CEP112: variants seen among roughly 807,000 people sequenced by gnomAD.
CEP112 encodes the protein centrosomal protein 112.
CEP112 carries 127 observed loss-of-function variants against 153.0 expected under a neutral mutation model. That is an observed-to-expected ratio of 0.83 (90% CI 0.72 to 0.96). The LOEUF is 0.96. Among genes scored for constraint, CEP112 ranks in the 40% least tolerant of loss-of-function variants. The pLI is 0.00. For missense variants in CEP112, 1,089 were observed against 1,101.2 expected, an observed-to-expected ratio of 0.99 and a Z score of 0.16; for synonymous variants, 358 against 374.4, an observed-to-expected ratio of 0.96 and a Z score of 0.51.
intron 21 of CEP112, among the ~76,000 whole-genome samples, chr17:65,811,088 G>A (rs2055922176): frequency 6.6e-6 from 1 of 152,176 alleles, no homozygotes; most frequent in African/African-American, 2.4e-5. Context: ...CAGTGCTGAG[G>A]GCTCTTTGGC....
At chr17:65,902,484 G>T (rs1261596527) in intron 19 of CEP112, 150 bp from the exon 20 acceptor site, 2 of 535,634 alleles carry the variant, frequency 3.7e-6, no homozygotes, top group Non-Finnish European at 6.2e-6. Flanking sequence ...ACTCTCATTT[G>T]TTGGGGTGGT....
intron 24 of CEP112, among the ~76,000 whole-genome samples, chr17:65,687,160 ATTTT>A (rs35675811): frequency 0.036 from 3,225 of 90,174 alleles, 62 homozygotes; most frequent in South Asian, 0.17. Flanking sequence ...GTTATTATTA[ATTTT>A]TTTTTTTTTT....
intron 20 of CEP112, among the ~76,000 whole-genome samples, chr17:65,884,719 CT>C (rs1401066748): frequency 1.4e-4 from 12 of 86,654 alleles, no homozygotes; most frequent in East Asian, 2.8e-4. Flanking sequence ...TTTTTTTTTT[CT>C]TTTTTTTTTT....
At chr17:65,826,627 G>T in intron 21 of CEP112, 1 of 1,073,400 alleles carries the variant, frequency 9.3e-7, no homozygotes, top group Non-Finnish European at 1.2e-6. Flanking sequence ...GGCTAAAGAT[G>T]CCCTAGGACT....
intron 21 of CEP112, among the ~76,000 whole-genome samples, chr17:65,769,682 T>C (rs2053221207): frequency 6.6e-6 from 1 of 152,038 alleles, no homozygotes; most frequent in Admixed American, 6.6e-5. Context: ...GTTTCTTCGA[T>C]AAATAGTGCT....
intron 17 of CEP112, among the ~76,000 whole-genome samples, chr17:65,971,259 A>G (rs1043006183): frequency 7.9e-5 from 12 of 152,320 alleles, no homozygotes; most frequent in East Asian, 3.9e-4. Flanking sequence ...TCAAATGCGT[A>G]CTGCACACAT....
intron 21 of CEP112, among the ~76,000 whole-genome samples, chr17:65,849,584 G>A (rs1432304104): frequency 2.0e-5 from 3 of 152,132 alleles, no homozygotes; most frequent in Non-Finnish European, 2.9e-5. Context: ...GAGGCATTTG[G>A]AATGTGAATA....
chr17:65,854,313 T>C (rs138374410), intron 20 of CEP112, among the ~76,000 whole-genome samples: 4,044 of 152,310 alleles, frequency 0.027, 93 homozygotes, highest in South Asian at 0.058. Context: ...ATATAAATAT[T>C]ATATTCATCC....
intron 17 of CEP112, among the ~76,000 whole-genome samples, chr17:65,981,151 C>A (rs1294004068): frequency 6.6e-6 from 1 of 152,078 alleles, no homozygotes; most frequent in Non-Finnish European, 1.5e-5. Flanking sequence ...CCCTTGCACT[C>A]TCCATCTCTA....
At chr17:65,892,107 T>C (rs1389188329) in intron 20 of CEP112, among the ~76,000 whole-genome samples, 1 of 152,204 alleles carries the variant, frequency 6.6e-6, no homozygotes, top group Non-Finnish European at 1.5e-5. Flanking sequence ...GGAATACCCT[T>C]ACGGCCATAT....
At chr17:65,992,686 C>T (rs2063637356) in intron 17 of CEP112, among the ~76,000 whole-genome samples, 1 of 152,136 alleles carries the variant, frequency 6.6e-6, no homozygotes, top group African/African-American at 2.4e-5. Flanking sequence ...ATTTTTTCTC[C>T]ATTTTAAATA....
intron 21 of CEP112, among the ~76,000 whole-genome samples, chr17:65,842,547 T>C (rs1311729760): frequency 6.6e-6 from 1 of 152,202 alleles, no homozygotes; most frequent in East Asian, 1.9e-4. Context: ...TTGAGCTTTG[T>C]AGTCCCTCTC....
intron 16 of CEP112, among the ~76,000 whole-genome samples, chr17:66,017,937 C>G (rs1169207959): frequency 2.0e-5 from 3 of 151,310 alleles, no homozygotes; most frequent in Admixed American, 2.0e-4. Context: ...GAGGCAGAGA[C>G]TGCAGTGAGC....
intron 24 of CEP112, among the ~76,000 whole-genome samples, chr17:65,673,650 A>G (rs2047089328): frequency 6.6e-6 from 1 of 152,246 alleles, no homozygotes; most frequent in South Asian, 2.1e-4. Context: ...GTATGAAACG[A>G]AACTCTCAAA....
chr17:66,171,837 C>T (rs1332151036), intron 4 of CEP112, among the ~76,000 whole-genome samples: 6 of 152,050 alleles, frequency 3.9e-5, no homozygotes, highest in Admixed American at 1.3e-4. Flanking sequence ...GTTTTGGCAG[C>T]CCTAATTGAC....
At chr17:66,122,575 A>T (rs1377277764) in intron 6 of CEP112, among the ~76,000 whole-genome samples, 1 of 152,142 alleles carries the variant, frequency 6.6e-6, no homozygotes, top group Non-Finnish European at 1.5e-5. Context: ...GCATACAGTC[A>T]CCTGTGATGA....
chr17:65,640,293 A>G (rs1327169876), intron 25 of CEP112, among the ~76,000 whole-genome samples: 2 of 150,840 alleles, frequency 1.3e-5, no homozygotes, highest in African/African-American at 4.9e-5. Context: ...AGTTGGGATT[A>G]CAGGCACGGG....
At chr17:66,059,063 A>AC (rs1273841626) in intron 11 of CEP112, among the ~76,000 whole-genome samples, 1 of 152,108 alleles carries the variant, frequency 6.6e-6, no homozygotes, top group African/African-American at 2.4e-5. Context: ...TGGAGAAAGG[A>AC]CCCCTTATCC....
At chr17:66,125,844 T>C (rs2069823252) in intron 6 of CEP112, among the ~76,000 whole-genome samples, 1 of 152,168 alleles carries the variant, frequency 6.6e-6, no homozygotes, top group Admixed American at 6.5e-5. Flanking sequence ...GAAAATATTA[T>C]CAATTCAATT....
Sources: allele counts gnomAD v4.1 joint callset (sites outside exome capture counted in the v4.1 genomes callset), GRCh38; gene constraint gnomAD v4.1.1; transcripts MANE v1.5; gene names NCBI Gene and HGNC (gene_info 2026-07-23, HGNC 2026-07-21).